Variants in CACNA1E observed in about 807,000 individuals in gnomAD.
CACNA1E encodes the protein calcium voltage-gated channel subunit alpha1 E.
A neutral mutation model predicts 259.2 loss-of-function variants in CACNA1E; 40 were observed. That is an observed-to-expected ratio of 0.15 (90% CI 0.12 to 0.20). The LOEUF (loss-of-function observed/expected upper bound fraction) is 0.20, where lower values mean the gene tolerates loss of function less well. Among genes scored for constraint, CACNA1E ranks in the 10% least tolerant of loss-of-function variants. CACNA1E has a pLI of 1.00. For synonymous variants in CACNA1E, 1,104 were observed against 1,138.5 expected, an observed-to-expected ratio of 0.97 and a Z score of 0.61; for missense variants, 1,874 against 3,040.1, an observed-to-expected ratio of 0.62 and a Z score of 9.02.
intron 1 of CACNA1E, among the ~76,000 whole-genome samples, chr1:181,500,758 C>T (rs530368045): frequency 1.3e-5 from 2 of 152,342 alleles, no homozygotes; most frequent in South Asian, 2.1e-4. Context: ...CATTATCTCA[C>T]GTGGTTTGCA....
At chr1:181,537,848 T>A (rs1313246786) in intron 3 of CACNA1E, among the ~76,000 whole-genome samples, 1 of 152,232 alleles carries the variant, frequency 6.6e-6, no homozygotes, top group Non-Finnish European at 1.5e-5. Flanking sequence ...ACAGTGAGAT[T>A]AAATAATTTA....
chr1:181,319,732 T>C (rs934068742), intron 1 of CACNA1E, among the ~76,000 whole-genome samples: 1 of 152,174 alleles, frequency 6.6e-6, no homozygotes, highest in South Asian at 2.1e-4. Flanking sequence ...TAGAGATAAA[T>C]GATTGCCCTA....
At chr1:181,395,970 T>C (rs1369662318) in intron 1 of CACNA1E, among the ~76,000 whole-genome samples, 1 of 152,246 alleles carries the variant, frequency 6.6e-6, no homozygotes, top group Non-Finnish European at 1.5e-5. Context: ...CTTAGGAATC[T>C]AGGAGTTGCT....
intron 3 of CACNA1E, among the ~76,000 whole-genome samples, chr1:181,546,935 G>A (rs758517048): frequency 2.0e-5 from 3 of 152,056 alleles, no homozygotes; most frequent in Non-Finnish European, 2.9e-5. Context: ...TAAATCAAGC[G>A]ATCTGTTCTT....
At chr1:181,379,426 T>C (rs2101988896) in intron 1 of CACNA1E, among the ~76,000 whole-genome samples, 1 of 152,338 alleles carries the variant, frequency 6.6e-6, no homozygotes, top group East Asian at 1.9e-4. Context: ...TCAAATTGCA[T>C]AATCAAGGCA....
At position 181,763,379 on chromosome 1, in the gene CACNA1E, ATT is replaced by A. The variant is rs537170016; in HGVS notation, c.4690-26_4690-25del. On this transcript the variant is annotated intron_variant, in intron 33 of 47. Coordinates refer to ENST00000367573, the MANE Select transcript of CACNA1E (RefSeq NM_001205293.3). Reference sequence around the variant, plus strand: ...TTTCTAAATCACCATAATGTTCCTAATTATATGTTTCCTTTTGGTCCACCAGC... The same window carrying A: ...TTTCTAAATCACCATAATGTTCCTAAATATGTTTCCTTTTGGTCCACCAGC... 9.0e-5 allele frequency: 139 copies of A among 1,549,602 alleles called. No individual in the cohort carries two copies. The African/African-American group carries it at 1.6e-3, about 18-fold the overall frequency.
upstream of CACNA1E, among the ~76,000 whole-genome samples, chr1:181,480,698 C>T (rs956741606): frequency 3.9e-5 from 6 of 152,094 alleles, no homozygotes; most frequent in African/African-American, 1.2e-4. Flanking sequence ...GAAGGTATGC[C>T]GCCAGCCTGC....
rs553293026 is a variant in CACNA1E, at chr1:181,802,688, G to A, written c.*3854G>A. On this transcript the variant is annotated 3_prime_UTR_variant, in exon 48 of 48. Coordinates refer to ENST00000367573, the MANE Select transcript of CACNA1E (RefSeq NM_001205293.3). The stretch of plus-strand genomic sequence containing the variant: ...CAACTGACACAAGGTGTAGGGTGTG[G>A]GGGTGGACAAAATGCCCACCTACTG... The A allele has an allele frequency of 1.2e-4, 19 of 152,270 alleles. No homozygotes were observed. The highest frequency in any genetic ancestry group is 4.3e-4 in the African/African-American group (18 of 41,546). The allele number at this position is 152,270 out of a possible 1,614,324, so 9.4% of individuals were successfully genotyped here.
At chr1:181,649,750 G>A (rs934566723) in intron 6 of CACNA1E, among the ~76,000 whole-genome samples, 4 of 152,152 alleles carry the variant, frequency 2.6e-5, no homozygotes, top group Non-Finnish European at 5.9e-5. Context: ...ACCAACACAG[G>A]AACAGACGAC....
intron 1 of CACNA1E, among the ~76,000 whole-genome samples, chr1:181,385,881 C>T (rs1009661026): frequency 6.6e-6 from 1 of 150,624 alleles, no homozygotes; most frequent in Admixed American, 6.6e-5. Flanking sequence ...CTCCCTCCCT[C>T]TCTTCCTCCC....
At chr1:181,625,618 C>G (rs946959202) in intron 6 of CACNA1E, among the ~76,000 whole-genome samples, 1 of 152,194 alleles carries the variant, frequency 6.6e-6, no homozygotes, top group Non-Finnish European at 1.5e-5. Context: ...GACTTAGGTT[C>G]TTGCTCTGGA....
At chr1:181,701,839 A>G (rs1427411405) in intron 7 of CACNA1E, among the ~76,000 whole-genome samples, 1 of 152,204 alleles carries the variant, frequency 6.6e-6, no homozygotes, top group Non-Finnish European at 1.5e-5. Context: ...GTAGCATCCA[A>G]GAATATTTGT....
At chr1:181,345,960 G>A (rs1652559981) in intron 1 of CACNA1E, among the ~76,000 whole-genome samples, 1 of 152,222 alleles carries the variant, frequency 6.6e-6, no homozygotes, top group African/African-American at 2.4e-5. Flanking sequence ...TCTCCTCACA[G>A]CTCTGTCTCA....
At chr1:181,564,719 T>A (rs1267928169) in intron 3 of CACNA1E, among the ~76,000 whole-genome samples, 1 of 152,222 alleles carries the variant, frequency 6.6e-6, no homozygotes, top group Non-Finnish European at 1.5e-5. Context: ...AGCTGTAGTC[T>A]TCTGAGATGT....
intron 2 of CACNA1E, among the ~76,000 whole-genome samples, chr1:181,422,272 T>C (rs1042454198): frequency 2.0e-5 from 3 of 152,214 alleles, no homozygotes; most frequent in Admixed American, 6.5e-5. Context: ...CCTCGTTCAC[T>C]CCATATCCCC....
At position 181,732,245 on chromosome 1, in the gene CACNA1E, T is replaced by C; in HGVS notation, c.2298-139T>C. On this transcript the variant is annotated intron_variant, in intron 19 of 47. Transcript: ENST00000367573. This position sits in a 1 kb window ranked among gnomAD's most constrained non-coding sequence, Gnocchi z 5.5. ...GGCCCGCCTGCTCCTCGCATCTTTC[T>C]GTGCTTCCTGTCTGCAGGTCCTGGG... 1 of 1,305,004 alleles carries C rather than the reference T, an allele frequency of 7.7e-7. No homozygotes were observed. The highest frequency in any genetic ancestry group is 9.9e-7 in the Non-Finnish European group (1 of 1,006,704). The allele number at this position is 1,305,004 out of a possible 1,614,324, so 80.8% of individuals were successfully genotyped here.
chr1:181,753,318 C>A (rs1024325722), intron 27 of CACNA1E, among the ~76,000 whole-genome samples: 1 of 152,206 alleles, frequency 6.6e-6, no homozygotes, highest in African/African-American at 2.4e-5. Context: ...AGCCAGACTC[C>A]CTGTGGGAGG....
intron 4 of CACNA1E, 74 bp downstream of exon 4, chr1:181,577,943 G>A (rs1319914398): frequency 7.2e-6 from 7 of 974,666 alleles, no homozygotes; most frequent in African/African-American, 3.2e-5. Context: ...AGGTCTAAGG[G>A]AATTTGGGAT....
At chr1:181,490,405 G>A (rs1458902561) in intron 1 of CACNA1E, among the ~76,000 whole-genome samples, 1 of 151,288 alleles carries the variant, frequency 6.6e-6, no homozygotes, top group African/African-American at 2.4e-5. Flanking sequence ...GCCTCAAATA[G>A]ACCCATTTGT....
Sources: gnomAD v4.1 joint callset for allele counts (sites outside exome capture counted in the v4.1 genomes callset) on GRCh38, gnomAD v4.1.1 for gene constraint, Gnocchi (gnomAD v3.1) non-coding constraint, MANE v1.5 for transcripts, NCBI Gene and HGNC (gene_info 2026-07-23, HGNC 2026-07-21) for gene names.